The following CCDC6 variants were observed in gnomAD, a reference collection of about 807,000 sequenced individuals.
CCDC6 encodes the protein coiled-coil domain-containing protein 6.
Under a neutral mutation model 56.6 loss-of-function variants are expected in CCDC6, and 20 were observed. The ratio of observed to expected loss-of-function variants is 0.35; its 90% confidence interval spans 0.25 to 0.51. CCDC6 has a LOEUF of 0.51. Ranked by LOEUF, CCDC6 falls within the 20% of genes least tolerant of loss-of-function variation. CCDC6 has a pLI of 0.95. For missense variants in CCDC6, 367 were observed against 601.1 expected (o/e 0.61, Z 4.07); for synonymous variants, 241 against 234.4 (o/e 1.03, Z -0.26).
At chr10:59,890,208 G>T (rs1189029866) in intron 1 of CCDC6, among the ~76,000 whole-genome samples, 1 of 152,166 alleles carries the variant, frequency 6.6e-6, no homozygotes, top group East Asian at 1.9e-4. Flanking sequence ...AAAACAAGGG[G>T]TTTCGTAACA....
Position 59,792,821 on chromosome 10 carries a change from G to T in CCDC6, c.*96C>A. ...GCCTAGATAACCTCAGTGCAAATAA[G>T]TCATATCCAAATATGCCAGAGAAGG... is the stretch of plus-strand genomic sequence containing the variant. On this transcript the variant is annotated 3_prime_UTR_variant, in exon 9 of 9. Transcript: ENST00000263102. 8.1e-7 allele frequency: 1 copy of T among 1,239,474 alleles called. No homozygotes were observed. The highest frequency in any genetic ancestry group is 1.2e-6 in the Non-Finnish European group (1 of 840,184). 76.8% of individuals were successfully genotyped at this position (1,239,474 alleles called of 1,614,324 possible). A position where few individuals can be genotyped will look rare whatever the true frequency, so the allele number is the denominator to read the frequency against.
chr10:59,825,963 G>A (rs2070784469), intron 3 of CCDC6, among the ~76,000 whole-genome samples: 1 of 152,332 alleles, frequency 6.6e-6, no homozygotes, highest in South Asian at 2.1e-4. Flanking sequence ...TGCTGCAGCT[G>A]TAGATGATGA....
At chr10:59,809,562 C>T (rs1200135121) in intron 5 of CCDC6, among the ~76,000 whole-genome samples, 1 of 152,128 alleles carries the variant, frequency 6.6e-6, no homozygotes, top group Non-Finnish European at 1.5e-5. Flanking sequence ...CCCCTGCTGG[C>T]ACACAGCCTC....
chr10:59,836,159 T>C (rs1372280980), intron 2 of CCDC6, among the ~76,000 whole-genome samples: 7 of 149,404 alleles, frequency 4.7e-5, no homozygotes, highest in Non-Finnish European at 8.9e-5. Context: ...AGGAGGCAAA[T>C]GTGTGCATAG....
chr10:59,839,359 A>C (rs1255689924), intron 2 of CCDC6, among the ~76,000 whole-genome samples: 4 of 152,198 alleles, frequency 2.6e-5, no homozygotes, highest in Non-Finnish European at 5.9e-5. Context: ...CTACTCCAAA[A>C]CATAGAAAAT....
intron 1 of CCDC6, among the ~76,000 whole-genome samples, chr10:59,875,512 T>G (rs1231029874): frequency 6.6e-6 from 1 of 152,182 alleles, no homozygotes; most frequent in Non-Finnish European, 1.5e-5. Context: ...TGTTTCTATC[T>G]GTGAATGCTG....
chr10:59,797,588 C>CAAAAAAAAAAAAAA (rs10561094), intron 7 of CCDC6, among the ~76,000 whole-genome samples: 3 of 31,606 alleles, frequency 9.5e-5, no homozygotes, highest in African/African-American at 1.5e-4. Flanking sequence ...AACCTCCTAG[C>CAAAAAAAAAAAAAA]AAAAAAAAAA....
At chr10:59,811,443 T>C (rs1348572900) in intron 5 of CCDC6, among the ~76,000 whole-genome samples, 1 of 152,208 alleles carries the variant, frequency 6.6e-6, no homozygotes, top group East Asian at 1.9e-4. Context: ...GGTTGTAGCA[T>C]AGCAACCAAA....
At chr10:59,882,023 CCGCG>C (rs2071340988) in intron 1 of CCDC6, among the ~76,000 whole-genome samples, 1 of 47,080 alleles carries the variant, frequency 2.1e-5, no homozygotes, top group Admixed American at 2.9e-4. Context: ...GAAAGGAAAG[CCGCG>C]GGGAGAAGGA....
chr10:59,836,052 TA>T lies in CCDC6; in HGVS notation c.454-3400del, dbSNP rs59353306. Among the ~76,000 whole-genome samples, 358 of 57,590 alleles carry T rather than the reference TA, an allele frequency of 6.2e-3. 1 individual carries two copies. The highest frequency in any genetic ancestry group is 0.021 in the Admixed American group (98 of 4,618). 37.8% of individuals were successfully genotyped at this position (57,590 alleles called of 152,430 possible). A position where few individuals can be genotyped will look rare whatever the true frequency, so the allele number is the denominator to read the frequency against. ...CTGGGTGACAGACTGCGACCCTGTCTAAAAAAAAAAAAAAAAAAAAAAGCTT... is the reference window on the plus strand; with the variant it reads ...CTGGGTGACAGACTGCGACCCTGTCTAAAAAAAAAAAAAAAAAAAAAGCTT... On this transcript the variant is annotated intron_variant, in intron 2 of 8. Coordinates refer to ENST00000263102, the MANE Select transcript of CCDC6 (RefSeq NM_005436.5).
intron 2 of CCDC6, among the ~76,000 whole-genome samples, chr10:59,833,827 T>C (rs1165551607): frequency 6.6e-6 from 1 of 152,210 alleles, no homozygotes; most frequent in African/African-American, 2.4e-5. Context: ...CACCAGGTTC[T>C]TCACATGCAT....
Position 59,789,967 on chromosome 10 carries a change from T to C in CCDC6, c.*2950A>G, listed in dbSNP as rs568931014. On this transcript the variant is annotated 3_prime_UTR_variant, in exon 9 of 9. Transcript: ENST00000263102. ...TCAAAGCCACTTTCTGGTCACACATTCATTCCATGGTTGCTAGTCAGTATC... is the reference window on the plus strand; with the variant it reads ...TCAAAGCCACTTTCTGGTCACACATCCATTCCATGGTTGCTAGTCAGTATC... 15 of 217,680 alleles carry C rather than the reference T, an allele frequency of 6.9e-5. No individual in the cohort carries two copies. In the South Asian group the frequency reaches 1.3e-3, roughly 19 times the overall value. The allele number at this position is 217,680 out of a possible 1,614,324, so 13.5% of individuals were successfully genotyped here.
At chr10:59,808,702 G>A (rs923388390) in intron 5 of CCDC6, among the ~76,000 whole-genome samples, 2 of 152,176 alleles carry the variant, frequency 1.3e-5, no homozygotes, top group Non-Finnish European at 2.9e-5. Context: ...GGAGCTGAAT[G>A]CCACAATGAG....
At position 59,794,594 on chromosome 10, in the gene CCDC6, A is replaced by G; in HGVS notation, c.1109T>C (p.Leu370Pro). The change falls in exon 8 of 9, where the codon CTA (leucine) becomes CCA (proline). Residue 370 changes from leucine (L) to proline (P), a missense_variant. Around this residue, in one of 7 missense-constraint regions of CCDC6, gnomAD observed 79 missense variants for 83.9 expected, o/e 0.94. Coordinates refer to ENST00000263102, the MANE Select transcript of CCDC6 (RefSeq NM_005436.5). ...PSSSRPISPG[L>P]SYASHTVGFT... ...ACCAACCGTGTGACTTGCATATGAT[A>G]GACCTAAAATATAACAACAAATTAA... 6.2e-7 allele frequency: 1 copy of G among 1,613,694 alleles called. No homozygotes were observed. The highest frequency in any genetic ancestry group is 8.5e-7 in the Non-Finnish European group (1 of 1,179,644).
chr10:59,848,408 G>C (rs2071011692), intron 2 of CCDC6, among the ~76,000 whole-genome samples: 1 of 152,184 alleles, frequency 6.6e-6, no homozygotes, highest in Non-Finnish European at 1.5e-5. Flanking sequence ...GCCAGGTGCA[G>C]TAGCTCACAC....
chr10:59,842,914 C>T (rs1049483856), intron 2 of CCDC6, among the ~76,000 whole-genome samples: 4 of 152,078 alleles, frequency 2.6e-5, no homozygotes, highest in South Asian at 2.1e-4. Flanking sequence ...CCACCGCCCC[C>T]GGCTAATTGC....
chr10:59,796,251 G>T (rs901799728), intron 7 of CCDC6, among the ~76,000 whole-genome samples: 41 of 149,942 alleles, frequency 2.7e-4, no homozygotes, highest in Admixed American at 1.0e-3. Flanking sequence ...TTTTTCATGT[G>T]TTTTTTGGCT....
chr10:59,854,378 C>T (rs929280565), intron 1 of CCDC6, among the ~76,000 whole-genome samples: 1 of 152,168 alleles, frequency 6.6e-6, no homozygotes, highest in Non-Finnish European at 1.5e-5. Context: ...AAGAGAGCCA[C>T]ACATAGTACA....
chr10:59,898,324 A>T (rs2071479078), intron 1 of CCDC6, among the ~76,000 whole-genome samples: 1 of 152,242 alleles, frequency 6.6e-6, no homozygotes, highest in Non-Finnish European at 1.5e-5. Flanking sequence ...TCCCAGTGCC[A>T]CCTCAGCATA....
Sources: allele counts gnomAD v4.1 joint callset (sites outside exome capture counted in the v4.1 genomes callset), GRCh38; gene constraint gnomAD v4.1.1; regional missense constraint gnomAD v4.1.1; transcripts MANE v1.5; gene names NCBI Gene and HGNC (gene_info 2026-07-23, HGNC 2026-07-21).